The following ARHGAP19 variants were observed in gnomAD, a reference collection of about 807,000 sequenced individuals.
The protein encoded by ARHGAP19 is Rho GTPase activating protein 19.
In ARHGAP19, 48 loss-of-function variants were observed where a neutral mutation model predicts 60.9. The observed-to-expected ratio is 0.79, with a 90% CI of 0.62 to 1.00. ARHGAP19 has a LOEUF of 1.00. ARHGAP19 is among the 50% of genes least tolerant of loss of function. The pLI, the probability that ARHGAP19 is intolerant of heterozygous loss-of-function variation, is 0.00. For missense variants in ARHGAP19, 562 were observed against 597.2 expected (o/e 0.94, Z 0.61); for synonymous variants, 209 against 215.5 (o/e 0.97, Z 0.27).
At chr10:97,259,772 A>T in intron 4 of ARHGAP19, 144 bp from the exon 5 acceptor site, 1 of 635,206 alleles carries the variant, frequency 1.6e-6, no homozygotes, top group East Asian at 2.7e-5. Flanking sequence ...AGACTACAGC[A>T]AAACATAATA....
intron 1 of ARHGAP19, among the ~76,000 whole-genome samples, chr10:97,280,492 A>C (rs1738389517): frequency 6.6e-6 from 1 of 152,134 alleles, no homozygotes; most frequent in African/African-American, 2.4e-5. Context: ...AGGATGCTTC[A>C]CTGATAATAC....
At position 97,223,200 on chromosome 10, in the gene ARHGAP19, C is replaced by T. The variant is rs181383203; in HGVS notation, c.*2922G>A. The T allele has an allele frequency of 3.3e-5, 5 of 152,272 alleles. No homozygotes were observed. The highest frequency in any genetic ancestry group is 2.0e-4 in the Admixed American group (3 of 15,290). The allele number at this position is 152,272 out of a possible 1,614,324, so 9.4% of individuals were successfully genotyped here. A position where few individuals can be genotyped will look rare whatever the true frequency, so the allele number is the denominator to read the frequency against. ...TCCTGAATGACTCTGGAAGGACATT[C>T]TGGGTAAAGAGCTTTCCTTTGCGGA... is the stretch of plus-strand genomic sequence containing the variant. On this transcript the variant is annotated 3_prime_UTR_variant, in exon 12 of 12. Transcript: ENST00000358531.
intron 4 of ARHGAP19, among the ~76,000 whole-genome samples, chr10:97,262,896 G>C (rs961104187): frequency 1.3e-5 from 2 of 152,174 alleles, no homozygotes; most frequent in Non-Finnish European, 1.5e-5. Context: ...TGGGCAGATG[G>C]CTTTGGCCCA....
intron 1 of ARHGAP19, among the ~76,000 whole-genome samples, chr10:97,266,584 T>C (rs911215047): frequency 1.3e-5 from 2 of 152,186 alleles, no homozygotes; most frequent in Non-Finnish European, 2.9e-5. Flanking sequence ...ACTATACCCC[T>C]GTATTAGTCC....
At chr10:97,275,992 C>T (rs1843015949) in intron 1 of ARHGAP19, among the ~76,000 whole-genome samples, 3 of 7,782 alleles carry the variant, frequency 3.9e-4, no homozygotes, top group Non-Finnish European at 7.7e-4. Context: ...GGGTCAGCCC[C>T]CCGCCCGGCC....
At chr10:97,252,972 TA>T (rs1188597089) in intron 6 of ARHGAP19, among the ~76,000 whole-genome samples, 31 of 152,056 alleles carry the variant, frequency 2.0e-4, no homozygotes, top group Middle Eastern at 6.8e-3. Context: ...TATTCCGCCA[TA>T]AAAAAAGAAT....
chr10:97,262,121 G>A lies in ARHGAP19; in HGVS notation c.613+1299C>T, dbSNP rs565347350. On this transcript the variant is annotated intron_variant, in intron 4 of 11. Coordinates refer to ENST00000358531, the MANE Select transcript of ARHGAP19 (RefSeq NM_032900.6). ...AATCCTAGCACTTTGGGAGACTGAGGAGGGAGGATCACTTGAAGCCAGGAG... is the reference window on the plus strand; with the variant it reads ...AATCCTAGCACTTTGGGAGACTGAGAAGGGAGGATCACTTGAAGCCAGGAG... 2.0e-5 allele frequency among the ~76,000 whole-genome samples: 3 copies of A among 151,938 alleles called. No individual in the cohort carries two copies. The South Asian group carries it at 6.2e-4, about 32-fold the overall frequency.
chr10:97,246,715 A>T (rs982515749), intron 6 of ARHGAP19, among the ~76,000 whole-genome samples: 2 of 152,230 alleles, frequency 1.3e-5, no homozygotes, highest in African/African-American at 2.4e-5. Flanking sequence ...TTTTAAAATC[A>T]CAGTGTAGAA....
chr10:97,259,845 G>GTTTTGTTTT (rs929962823), intron 4 of ARHGAP19, among the ~76,000 whole-genome samples: 3 of 149,776 alleles, frequency 2.0e-5, no homozygotes, highest in Non-Finnish European at 4.5e-5. Flanking sequence ...GTTTTGTTTT[G>GTTTTGTTTT]TTTTTTTTGA....
At chr10:97,256,204 G>T in intron 6 of ARHGAP19, 114 bp downstream of exon 6, 1 of 850,688 alleles carries the variant, frequency 1.2e-6, no homozygotes, top group East Asian at 2.4e-5. Flanking sequence ...ATTCTGGTTT[G>T]CAATCCCATT....
chr10:97,283,844 A>AC (rs955436051), intron 1 of ARHGAP19, among the ~76,000 whole-genome samples: 2 of 151,388 alleles, frequency 1.3e-5, no homozygotes, highest in Non-Finnish European at 2.9e-5. Flanking sequence ...AAAAAAAAAA[A>AC]AAAAAACTGT....
chr10:97,253,336 T>A (rs1213133841), intron 6 of ARHGAP19, among the ~76,000 whole-genome samples: 2 of 146,716 alleles, frequency 1.4e-5, no homozygotes, highest in Non-Finnish European at 3.0e-5. Flanking sequence ...TGAGATTGCA[T>A]CACTGCACTT....
At chr10:97,239,778 G>A (rs1385088370) in intron 8 of ARHGAP19, among the ~76,000 whole-genome samples, 1 of 151,818 alleles carries the variant, frequency 6.6e-6, no homozygotes, top group East Asian at 1.9e-4. Flanking sequence ...CATGACCTCG[G>A]CTCACAGCAA....
chr10:97,253,872 A>G (rs576004740), intron 6 of ARHGAP19, among the ~76,000 whole-genome samples: 2 of 152,356 alleles, frequency 1.3e-5, no homozygotes, highest in African/African-American at 4.8e-5. Flanking sequence ...AAGAAAAAAG[A>G]AATTCGTGCA....
chr10:97,244,253 G>A, intron 7 of ARHGAP19, 94 bp from the exon 8 acceptor site: 1 of 991,864 alleles, frequency 1.0e-6, no homozygotes, highest in Non-Finnish European at 1.5e-6. Flanking sequence ...AGGGAGAGTG[G>A]GGACATGGTA....
intron 5 of ARHGAP19, among the ~76,000 whole-genome samples, chr10:97,257,546 T>G (rs1239553205): frequency 1.3e-5 from 2 of 152,164 alleles, no homozygotes; most frequent in African/African-American, 2.4e-5. Flanking sequence ...CCTCAAGCAG[T>G]CCTCCTACCT....
At chr10:97,228,336 C>T (rs912114174) in intron 11 of ARHGAP19, among the ~76,000 whole-genome samples, 3 of 152,310 alleles carry the variant, frequency 2.0e-5, no homozygotes, top group Middle Eastern at 3.4e-3. Flanking sequence ...GACCAGGTTT[C>T]AGCCCGTTTT....
chr10:97,280,223 A>G (rs897862996), intron 1 of ARHGAP19, among the ~76,000 whole-genome samples: 1 of 152,090 alleles, frequency 6.6e-6, no homozygotes, highest in Admixed American at 6.6e-5. Context: ...CCTAGCCAAC[A>G]TAGTGAAACC....
chr10:97,237,816 AG>A (rs1344200140), intron 8 of ARHGAP19, among the ~76,000 whole-genome samples: 3 of 152,084 alleles, frequency 2.0e-5, no homozygotes, highest in Non-Finnish European at 4.4e-5. Flanking sequence ...GGTTGCAGTG[AG>A]CCAAGTCTGC....
Sources: gnomAD v4.1 joint callset for allele counts (sites outside exome capture counted in the v4.1 genomes callset) on GRCh38, gnomAD v4.1.1 for gene constraint, MANE v1.5 for transcripts, NCBI Gene and HGNC (gene_info 2026-07-23, HGNC 2026-07-21) for gene names.